LINC00305: variants seen among roughly 807,000 people sequenced by gnomAD.
LINC00305 encodes long independently transcribed non-coding RNA 305, also known as long intergenic non-protein coding RNA 305.
chr18:64,142,673 C>A, intron 1 of LINC00305, among the ~76,000 whole-genome samples: 1 of 152,234 alleles, frequency 6.6e-6, no homozygotes, highest in South Asian at 2.1e-4. Context: ...ACCATGGCCA[C>A]CCGCGCCCTA....
intron 1 of LINC00305, among the ~76,000 whole-genome samples, chr18:64,112,605 C>T (rs1032969260): frequency 6.6e-6 from 1 of 152,110 alleles, no homozygotes; most frequent in Non-Finnish European, 1.5e-5. Flanking sequence ...TCTATACTTA[C>T]GGATTGGCCA....
intron 1 of LINC00305, among the ~76,000 whole-genome samples, chr18:64,113,631 C>T (rs1310820642): frequency 2.7e-5 from 4 of 150,536 alleles, no homozygotes; most frequent in African/African-American, 7.3e-5. Flanking sequence ...CAGGGAAAGG[C>T]GTAAGTGCTG....
At chr18:64,111,216 T>C (rs2051313283) in intron 1 of LINC00305, among the ~76,000 whole-genome samples, 1 of 152,228 alleles carries the variant, frequency 6.6e-6, no homozygotes, top group Non-Finnish European at 1.5e-5. Context: ...GTTTTTCCAT[T>C]TCCTCCCTTC....
intron 1 of LINC00305, among the ~76,000 whole-genome samples, chr18:64,145,107 T>G (rs1392700750): frequency 6.6e-6 from 1 of 152,196 alleles, no homozygotes; most frequent in African/African-American, 2.4e-5. Context: ...ATGGATTGTT[T>G]GTAACCAGCT....
chr18:64,124,492 A>G (rs2051376401), intron 1 of LINC00305, among the ~76,000 whole-genome samples: 2 of 152,138 alleles, frequency 1.3e-5, no homozygotes, highest in Non-Finnish European at 2.9e-5. Context: ...ATATCTAGAC[A>G]CTCAGTAAAA....
At chr18:64,117,783 G>A (rs2051344266) in intron 1 of LINC00305, among the ~76,000 whole-genome samples, 1 of 152,124 alleles carries the variant, frequency 6.6e-6, no homozygotes, top group Non-Finnish European at 1.5e-5. Flanking sequence ...TTGCCTCCAT[G>A]TTTCCACACA....
At chr18:64,142,620 A>T (rs915900359) in intron 1 of LINC00305, among the ~76,000 whole-genome samples, 3 of 152,144 alleles carry the variant, frequency 2.0e-5, no homozygotes, top group African/African-American at 7.2e-5. Flanking sequence ...GCCCTCATGG[A>T]GCATGATACA....
At chr18:64,116,566 T>C (rs1054341229) in intron 1 of LINC00305, among the ~76,000 whole-genome samples, 4 of 152,204 alleles carry the variant, frequency 2.6e-5, no homozygotes, top group African/African-American at 9.6e-5. Flanking sequence ...TTCATGTTTC[T>C]TTTCTTTTCC....
chr18:64,136,679 T>C (rs1247365538), intron 1 of LINC00305, among the ~76,000 whole-genome samples: 1 of 152,210 alleles, frequency 6.6e-6, no homozygotes, highest in East Asian at 1.9e-4. Flanking sequence ...AGTAATAGTC[T>C]GTGGAACACA....
intron 1 of LINC00305, among the ~76,000 whole-genome samples, chr18:64,104,479 C>G (rs1404430543): frequency 1.3e-5 from 2 of 152,184 alleles, no homozygotes; most frequent in African/African-American, 4.8e-5. Context: ...AGAACCCAAC[C>G]TGCACCTTAA....
At chr18:64,090,554 T>C (rs571705011) in intron 3 of LINC00305, among the ~76,000 whole-genome samples, 1 of 152,330 alleles carries the variant, frequency 6.6e-6, no homozygotes, top group Admixed American at 6.5e-5. Flanking sequence ...CTTTTTTCAA[T>C]TGATCAGTAT....
chr18:64,116,112 T>C (rs1157971452), intron 1 of LINC00305, among the ~76,000 whole-genome samples: 5 of 152,224 alleles, frequency 3.3e-5, no homozygotes, highest in African/African-American at 1.2e-4. Flanking sequence ...GCCCTTTCCA[T>C]TATTGCGACA....
chr18:64,113,491 C>G (rs1036108581), intron 1 of LINC00305, among the ~76,000 whole-genome samples: 5 of 152,190 alleles, frequency 3.3e-5, no homozygotes, highest in African/African-American at 1.2e-4. Context: ...CTGCACCTTT[C>G]CCCAGGTGGC....
chr18:64,113,370 AAGAGTAGTTGC>A (rs2051323608), intron 1 of LINC00305, among the ~76,000 whole-genome samples: 1 of 152,230 alleles, frequency 6.6e-6, no homozygotes, highest in South Asian at 2.1e-4. Flanking sequence ...TTACCCCAAG[AAGAGTAGTTGC>A]ATATTTATCC....
At chr18:64,125,628 AATCT>A (rs5825555) in intron 1 of LINC00305, among the ~76,000 whole-genome samples, 2 of 151,652 alleles carry the variant, frequency 1.3e-5, no homozygotes, top group Non-Finnish European at 2.9e-5. Flanking sequence ...ATATGTCTTA[AATCT>A]ATCTTTCTGT....
chr18:64,134,659 G>A (rs1027381902), intron 1 of LINC00305, among the ~76,000 whole-genome samples: 2 of 152,070 alleles, frequency 1.3e-5, no homozygotes, highest in Non-Finnish European at 2.9e-5. Context: ...TATAAAATAG[G>A]GGGGTCCAAG....
At chr18:64,112,921 A>C (rs1041882214) in intron 1 of LINC00305, among the ~76,000 whole-genome samples, 1 of 152,348 alleles carries the variant, frequency 6.6e-6, no homozygotes, top group East Asian at 1.9e-4. Context: ...GAAAAGAAGT[A>C]ATAGTTACTG....
chr18:64,107,015 C>G (rs1418612889), intron 1 of LINC00305, among the ~76,000 whole-genome samples: 1 of 152,144 alleles, frequency 6.6e-6, no homozygotes, highest in Admixed American at 6.5e-5. Context: ...TTGATGTGCA[C>G]CAATTCCGGG....
chr18:64,135,358 C>T (rs369193124), intron 1 of LINC00305, among the ~76,000 whole-genome samples: 1 of 152,142 alleles, frequency 6.6e-6, no homozygotes, highest in African/African-American at 2.4e-5. Flanking sequence ...CCCATAATGA[C>T]ATCCGACTTC....
Sources: allele counts gnomAD v4.1 joint callset (sites outside exome capture counted in the v4.1 genomes callset), GRCh38; gene constraint gnomAD v4.1.1; transcripts MANE v1.5; gene names NCBI Gene and HGNC (gene_info 2026-07-23, HGNC 2026-07-21).